TSPAN7: variants seen among roughly 807,000 people sequenced by gnomAD.
The protein encoded by TSPAN7 is tetraspanin 7, also known as tetraspanin-7.
A neutral mutation model predicts 17.6 loss-of-function variants in TSPAN7; 1 was observed. The observed-to-expected ratio is 0.06, with a 90% CI of 0.02 to 0.27. The LOEUF is 0.27. TSPAN7 is among the 10% of genes least tolerant of loss of function. TSPAN7 has a pLI of 1.00. For missense variants in TSPAN7, 112 were observed against 201.7 expected (o/e 0.56, Z 2.69); for synonymous variants, 78 against 79.0 (o/e 0.99, Z 0.07).
chrX:38,631,349 A>C (rs1262755620), intron 1 of TSPAN7, among the ~76,000 whole-genome samples: 1 of 111,417 alleles, frequency 9.0e-6, no homozygotes, highest in Non-Finnish European at 1.9e-5. Flanking sequence ...ATACACTGAA[A>C]ATAATTTTCT....
Position 38,688,673 on chromosome X carries a change from T to C in TSPAN7, c.*742T>C, listed in dbSNP as rs1380168398. On this transcript the variant is annotated 3_prime_UTR_variant, in exon 8 of 8. Coordinates refer to ENST00000378482, the MANE Select transcript of TSPAN7 (RefSeq NM_004615.4). ...GCTTCTTGTGAAGGCCATGATATTT[T>C]GTTTTTCCCCAATTAATTGCTATTG... 1 of 112,577 alleles carries C rather than the reference T, an allele frequency of 8.9e-6. No individual in the cohort carries two copies. The highest frequency in any genetic ancestry group is 1.9e-5 in the Non-Finnish European group (1 of 53,281). The allele number at this position is 112,577 out of a possible 1,213,427, so 9.3% of individuals were successfully genotyped here. A position where few individuals can be genotyped will look rare whatever the true frequency, so the allele number is the denominator to read the frequency against.
chrX:38,647,247 T>C (rs959794619), intron 1 of TSPAN7, among the ~76,000 whole-genome samples: 6 of 112,251 alleles, frequency 5.3e-5, no homozygotes, highest in African/African-American at 1.6e-4. Context: ...ATGCAGTTAA[T>C]ACATAAACCC....
intron 1 of TSPAN7, among the ~76,000 whole-genome samples, chrX:38,663,160 CACACACACACACACACACACAG>C (rs1482703318): frequency 2.8e-5 from 3 of 106,281 alleles, no homozygotes; most frequent in African/African-American, 1.1e-4. Context: ...TATACACACA[CACACACACACACACACACACAG>C]ACACACACAC....
chrX:38,608,256 G>A (rs1019900942), intron 1 of TSPAN7: 15 of 109,738 alleles, frequency 1.4e-4, no homozygotes, highest in Non-Finnish European at 2.1e-4. Context: ...CAGGCTTTCC[G>A]GTTTTTACCA....
chrX:38,568,504 C>CTTG (rs781089728), intron 1 of TSPAN7, among the ~76,000 whole-genome samples: 3 of 110,804 alleles, frequency 2.7e-5, no homozygotes, highest in African/African-American at 9.8e-5. Flanking sequence ...AAGTCTTGTT[C>CTTG]TTGTTGTTGG....
At chrX:38,667,616 A>G (rs1011029079) in intron 2 of TSPAN7, among the ~76,000 whole-genome samples, 1 of 111,412 alleles carries the variant, frequency 9.0e-6, no homozygotes, top group African/African-American at 3.3e-5. Flanking sequence ...GTGGTGCTTG[A>G]CTTTGCCATT....
At chrX:38,582,191 G>A (rs2147400643) in intron 1 of TSPAN7, among the ~76,000 whole-genome samples, 1 of 112,420 alleles carries the variant, frequency 8.9e-6, no homozygotes, top group Admixed American at 9.4e-5. Context: ...TATTAGCATT[G>A]GAGAAAGTCT....
At chrX:38,597,286 C>T (rs555070366) in intron 1 of TSPAN7, among the ~76,000 whole-genome samples, 14 of 111,184 alleles carry the variant, frequency 1.3e-4, no homozygotes, top group Middle Eastern at 4.6e-3. Flanking sequence ...GCTCTACTTT[C>T]TTATTTCAGC....
At chrX:38,584,197 C>T (rs746044409) in intron 1 of TSPAN7, among the ~76,000 whole-genome samples, 2 of 110,242 alleles carry the variant, frequency 1.8e-5, no homozygotes, top group Non-Finnish European at 3.8e-5. Flanking sequence ...TCATGATCCA[C>T]TCGCCTCGGC....
intron 1 of TSPAN7, 132 bp from the exon 2 acceptor site, chrX:38,665,989 G>C (rs182607873): frequency 1.8e-6 from 1 of 564,852 alleles, no homozygotes; most frequent in African/African-American, 2.3e-5. Context: ...GACATTTCTC[G>C]TTGCTCAGGG....
chrX:38,576,870 G>A lies in TSPAN7; in HGVS notation c.81+15243G>A, dbSNP rs145358109. On this transcript the variant is annotated intron_variant, in intron 1 of 7. Coordinates refer to ENST00000378482, the MANE Select transcript of TSPAN7 (RefSeq NM_004615.4). ...TAGGGTTTTGGGCCTGCTTTGGCCA[G>A]TAGGTGAAGACTAGTCCATACTTTT... 5.3e-4 allele frequency among the ~76,000 whole-genome samples: 60 copies of A among 112,235 alleles called. 1 individual carries two copies. The East Asian group carries it at 0.016, about 29-fold the overall frequency.
At chrX:38,622,833 C>T (rs189784484) in intron 1 of TSPAN7, 88 of 323,697 alleles carry the variant, frequency 2.7e-4, no homozygotes, top group Admixed American at 3.8e-4. Context: ...ATGTTGATCA[C>T]GCACTAGTGT....
At chrX:38,586,515 G>A (rs981897867) in intron 1 of TSPAN7, among the ~76,000 whole-genome samples, 3 of 112,339 alleles carry the variant, frequency 2.7e-5, no homozygotes, top group African/African-American at 9.7e-5. Context: ...ACTGCATTTT[G>A]TTAGTTTAAT....
Position 38,641,083 on chromosome X carries a change from C to T in TSPAN7, c.82-25038C>T, listed in dbSNP as rs1191962904. 6.2e-5 allele frequency among the ~76,000 whole-genome samples: 7 copies of T among 112,256 alleles called. No individual in the cohort carries two copies. In the East Asian group the frequency reaches 2.0e-3, roughly 31 times the overall value. On this transcript the variant is annotated intron_variant, in intron 1 of 7. Transcript: ENST00000378482. ...CAGATTAAAAGCCAAAGCGTGTGCTCAGTCTTTCTGCTAGAGGATTTGTGT... is the reference window on the plus strand; with the variant it reads ...CAGATTAAAAGCCAAAGCGTGTGCTTAGTCTTTCTGCTAGAGGATTTGTGT...
intron 1 of TSPAN7, among the ~76,000 whole-genome samples, chrX:38,563,955 A>G (rs2069128592): frequency 8.9e-6 from 1 of 112,078 alleles, no homozygotes; most frequent in Non-Finnish European, 1.9e-5. Context: ...TTTAAAGTAT[A>G]CGATTCAGTG....
intron 1 of TSPAN7, among the ~76,000 whole-genome samples, chrX:38,590,574 A>T (rs1438906752): frequency 9.0e-6 from 1 of 111,572 alleles, no homozygotes; most frequent in Non-Finnish European, 1.9e-5. Context: ...GAAAGTTTTT[A>T]TCTATGATTT....
intron 1 of TSPAN7, among the ~76,000 whole-genome samples, chrX:38,575,312 A>G (rs1003556540): frequency 8.9e-6 from 1 of 112,025 alleles, no homozygotes; most frequent in Non-Finnish European, 1.9e-5. Context: ...CACAGAAACT[A>G]TGAGATAATA....
chrX:38,598,027 A>G (rs2069327237), intron 1 of TSPAN7, among the ~76,000 whole-genome samples: 1 of 111,478 alleles, frequency 9.0e-6, no homozygotes, highest in Non-Finnish European at 1.9e-5. Context: ...TTACTTTTAG[A>G]CCACCAATGT....
chrX:38,658,696 T>C (rs1329138946), intron 1 of TSPAN7, among the ~76,000 whole-genome samples: 2 of 111,021 alleles, frequency 1.8e-5, no homozygotes, highest in Non-Finnish European at 3.8e-5. Flanking sequence ...CCAAGATTCG[T>C]TGTTCCCGCT....
Sources: gnomAD v4.1 joint callset for allele counts (sites outside exome capture counted in the v4.1 genomes callset) on GRCh38, gnomAD v4.1.1 for gene constraint, MANE v1.5 for transcripts, NCBI Gene and HGNC (gene_info 2026-07-23, HGNC 2026-07-21) for gene names.